Variants in CCNH observed in about 807,000 individuals in gnomAD.
CCNH encodes cyclin-H.
A neutral mutation model predicts 41.9 loss-of-function variants in CCNH; 31 were observed. The ratio of observed to expected loss-of-function variants is 0.74; its 90% CI spans 0.56 to 1.00. The LOEUF is 1.00. Among genes scored for constraint, CCNH ranks in the 50% least tolerant of loss-of-function variants. The pLI is 0.00. For missense variants in CCNH, 362 were observed against 388.4 expected (o/e 0.93, Z 0.57); for synonymous variants, 138 against 136.1 (o/e 1.01, Z -0.10).
At chr5:87,373,304 G>C (rs1487288123), downstream of CCNH, among the ~76,000 whole-genome samples, 1 of 152,062 alleles carries the variant, frequency 6.6e-6, no homozygotes, top group East Asian at 1.9e-4. Context: ...CATTCACATT[G>C]TATTAGGTAT....
chr5:87,399,493 A>G lies in CCNH; in HGVS notation c.773T>C (p.Leu258Ser). The G allele has an allele frequency of 1.2e-6, 2 of 1,610,506 alleles. No individual in the cohort carries two copies. The highest frequency in any genetic ancestry group is 1.7e-6 in the Non-Finnish European group (2 of 1,176,858). Residue 258 changes from leucine to serine, a missense_variant, in exon 7 of 9, where the codon TTA becomes TCA. Transcript: ENST00000256897. The part of the protein sequence containing the change: ...LLDIMKSMRN[L>S]VKKYEPPRSE... ...TCTGGGTGGTTCATACTTCTTTACTAAGTTTCTCATGCCTATGTGGATACA... is the reference window on the plus strand; with the variant it reads ...TCTGGGTGGTTCATACTTCTTTACTGAGTTTCTCATGCCTATGTGGATACA...
At chr5:87,330,348 T>A (rs748000488) in intron 9 of CCNH, among the ~76,000 whole-genome samples, 1 of 152,226 alleles carries the variant, frequency 6.6e-6, no homozygotes, top group Middle Eastern at 3.4e-3. Context: ...ATTACACATA[T>A]AAGATTACAA....
intron 9 of CCNH, among the ~76,000 whole-genome samples, chr5:87,369,378 G>T (rs577072976): frequency 2.5e-4 from 38 of 152,204 alleles, no homozygotes; most frequent in South Asian, 2.5e-3. Flanking sequence ...GAAGAAAAAT[G>T]ATCAGTTTAG....
At chr5:87,344,947 T>C (rs979156420) in intron 9 of CCNH, among the ~76,000 whole-genome samples, 5 of 152,146 alleles carry the variant, frequency 3.3e-5, no homozygotes, top group Non-Finnish European at 7.4e-5. Flanking sequence ...ACAGTATTGG[T>C]ACCCTTCTCT....
intron 9 of CCNH, among the ~76,000 whole-genome samples, chr5:87,357,299 A>C (rs187370193): frequency 6.6e-6 from 1 of 152,180 alleles, no homozygotes; most frequent in Non-Finnish European, 1.5e-5. Flanking sequence ...TTTTTAGACC[A>C]TGGCTAGGAT....
chr5:87,391,103 A>C (rs1290067326), downstream of CCNH: 2 of 624,104 alleles, frequency 3.2e-6, no homozygotes, highest in Admixed American at 2.6e-5. Flanking sequence ...TCCACATGGA[A>C]TCAATCTTTA....
chr5:87,410,873 C>T (rs1010557057), intron 2 of CCNH, among the ~76,000 whole-genome samples: 2 of 152,160 alleles, frequency 1.3e-5, no homozygotes, highest in African/African-American at 4.8e-5. Context: ...TTATTTCAAA[C>T]ATTTATTGGG....
intron 9 of CCNH, chr5:87,330,900 A>C: frequency 1.5e-6 from 2 of 1,292,238 alleles, no homozygotes; most frequent in Non-Finnish European, 2.0e-6. Context: ...GCAGGGCACA[A>C]ACACTAAAAT....
At chr5:87,378,949 AC>A (rs1761515626), upstream of CCNH, among the ~76,000 whole-genome samples, 1 of 152,194 alleles carries the variant, frequency 6.6e-6, no homozygotes, top group African/African-American at 2.4e-5. Context: ...GATAACCTCA[AC>A]TAAAACAAAA....
intron 9 of CCNH, among the ~76,000 whole-genome samples, chr5:87,362,101 G>T (rs529158835): frequency 2.0e-5 from 3 of 152,260 alleles, no homozygotes; most frequent in East Asian, 3.9e-4. Flanking sequence ...TCATGTCTTA[G>T]TTCACCTGGT....
At chr5:87,371,379 CAAACT>C (rs537106941), downstream of CCNH, among the ~76,000 whole-genome samples, 820 of 152,090 alleles carry the variant, frequency 5.4e-3, 10 homozygotes, top group South Asian at 0.034. Flanking sequence ...AAATAGCCAA[CAAACT>C]AAAGACATAA....
chr5:87,343,083 T>C (rs1262871015), intron 9 of CCNH, among the ~76,000 whole-genome samples: 2 of 152,188 alleles, frequency 1.3e-5, no homozygotes, highest in Non-Finnish European at 2.9e-5. Context: ...CCCTTTAATT[T>C]CCTAATATAG....
downstream of CCNH, among the ~76,000 whole-genome samples, chr5:87,389,831 A>AT (rs1037278711): frequency 1.3e-4 from 19 of 151,374 alleles, no homozygotes; most frequent in East Asian, 1.6e-3. Flanking sequence ...TATTGATTTT[A>AT]TTTTTTTTTC....
chr5:87,411,155 G>A (rs1414176561), intron 2 of CCNH, 69 bp downstream of exon 2: 1 of 1,465,510 alleles, frequency 6.8e-7, no homozygotes, highest in South Asian at 1.5e-5. Context: ...AGTGGACAGG[G>A]AATTTAGAAG....
At chr5:87,390,809 A>G (rs1281065494), downstream of CCNH, 1 of 1,612,356 alleles carries the variant, frequency 6.2e-7, no homozygotes. Flanking sequence ...GCACGTATTG[A>G]AAAAGCTTCT....
At chr5:87,369,507 G>A (rs1330123629) in intron 9 of CCNH, among the ~76,000 whole-genome samples, 1 of 152,072 alleles carries the variant, frequency 6.6e-6, no homozygotes, top group Non-Finnish European at 1.5e-5. Context: ...CAAATTAGCT[G>A]TGTGCAGTTC....
intron 8 of CCNH, 84 bp from the exon 9 acceptor site, chr5:87,394,568 TCTC>T (rs1762769849): frequency 4.4e-6 from 7 of 1,589,292 alleles, no homozygotes; most frequent in East Asian, 4.5e-5. Flanking sequence ...AAGAAAATGT[TCTC>T]CTCCTTTTAC....
At chr5:87,362,435 G>T in intron 9 of CCNH, 1 of 961,634 alleles carries the variant, frequency 1.0e-6, no homozygotes, top group South Asian at 1.5e-5. Context: ...TATGTGTTAT[G>T]TGTATCTAGA....
intron 1 of CCNH, chr5:87,412,282 T>C: frequency 2.5e-6 from 1 of 396,784 alleles, no homozygotes; most frequent in East Asian, 1.2e-4. Context: ...CTCTGTAACT[T>C]CTGACCTCCC....
Sources: gnomAD v4.1 joint callset for allele counts (sites outside exome capture counted in the v4.1 genomes callset) on GRCh38, gnomAD v4.1.1 for gene constraint, MANE v1.5 for transcripts, NCBI Gene and HGNC (gene_info 2026-07-23, HGNC 2026-07-21) for gene names.